ELMO1: variants seen among roughly 807,000 people sequenced by gnomAD.
ELMO1 encodes the protein engulfment and cell motility 1, also known as engulfment and cell motility protein 1.
ELMO1 carries 26 observed loss-of-function variants against 98.9 expected under a neutral mutation model. The observed-to-expected ratio is 0.26, with a 90% CI of 0.19 to 0.36. ELMO1 has a LOEUF of 0.36. ELMO1 is among the 10% of genes least tolerant of loss of function. The pLI is 1.00. For synonymous variants in ELMO1, 346 were observed against 346.0 expected (o/e 1.00, Z 0.00); for missense variants, 627 against 935.2 (o/e 0.67, Z 4.30).
At chr7:37,143,729 G>GAGAT (rs1787796401) in intron 13 of ELMO1, among the ~76,000 whole-genome samples, 1 of 30,372 alleles carries the variant, frequency 3.3e-5, no homozygotes, top group Non-Finnish European at 7.8e-5. Flanking sequence ...TTTTTTTTTT[G>GAGAT]AGATGGAGTC....
At position 37,097,645 on chromosome 7, in the gene ELMO1, TGAATGAAA is replaced by T. The variant is rs988894415; in HGVS notation, c.1192-926_1192-919del. On this transcript the variant is annotated intron_variant, in intron 14 of 21. Transcript: ENST00000310758. ...AAGAAAGAAAGAAAGAAAAAATGAA[TGAATGAAA>T]GAATGAATGAATACTGGCTCAACTA... Among the ~76,000 whole-genome samples, 231 of 151,560 alleles carry T rather than the reference TGAATGAAA, an allele frequency of 1.5e-3. 1 individual carries two copies. Among genetic ancestry groups the T allele is most frequent in the African/African-American group, 5.5e-3 (226 of 41,360 alleles).
At chr7:36,902,694 G>A (rs1474538640) in intron 16 of ELMO1, among the ~76,000 whole-genome samples, 2 of 152,144 alleles carry the variant, frequency 1.3e-5, no homozygotes, top group Non-Finnish European at 2.9e-5. Flanking sequence ...GTAACTCTGA[G>A]GGTGTCTTTG....
At chr7:36,932,956 C>T (rs191396112) in intron 16 of ELMO1, among the ~76,000 whole-genome samples, 1 of 152,340 alleles carries the variant, frequency 6.6e-6, no homozygotes, top group Admixed American at 6.5e-5. Context: ...CGGATGCCTT[C>T]CCAGGGCTGG....
rs528335065 is a variant in ELMO1 at position 36,899,621 on chromosome 7, G to C, written c.1438-4604C>G. Among the ~76,000 whole-genome samples the C allele has an allele frequency of 2.8e-5, 4 of 142,002 alleles. No individual in the cohort carries two copies. The East Asian group carries it at 8.4e-4, about 30-fold the overall frequency. The allele number at this position is 142,002 out of a possible 152,430, so 93.2% of individuals were successfully genotyped here. On this transcript the variant is annotated intron_variant, in intron 16 of 21. Coordinates refer to ENST00000310758, the MANE Select transcript of ELMO1 (RefSeq NM_014800.11). ...TTGAATCCAGCATGCATGTTTCCTGGGGCTTTGACCTTCCTTAAGATACTT... is the reference window on the plus strand; with the variant it reads ...TTGAATCCAGCATGCATGTTTCCTGCGGCTTTGACCTTCCTTAAGATACTT...
intron 13 of ELMO1, among the ~76,000 whole-genome samples, chr7:37,164,605 T>C (rs1459261158): frequency 2.0e-4 from 31 of 152,242 alleles, no homozygotes; most frequent in Admixed American, 5.2e-4. Context: ...ATCCTTTCCC[T>C]ATTTCTTGTT....
At chr7:37,135,677 GA>G (rs1326201143) in intron 13 of ELMO1, among the ~76,000 whole-genome samples, 1 of 152,178 alleles carries the variant, frequency 6.6e-6, no homozygotes, top group Non-Finnish European at 1.5e-5. Context: ...GGAGAAGGGG[GA>G]GAACACCACA....
Position 36,919,037 on chromosome 7 carries a change from T to A in ELMO1, c.1438-24020A>T, listed in dbSNP as rs189884237. 2.6e-5 allele frequency among the ~76,000 whole-genome samples: 4 copies of A among 152,310 alleles called. No individual in the cohort carries two copies. The East Asian group carries it at 7.7e-4, about 29-fold the overall frequency. On this transcript the variant is annotated intron_variant, in intron 16 of 21. Transcript: ENST00000310758. ...AGTTGGCACTTGGGCTAAAATAAAG[T>A]ACTTTATTCTAGGGATGGTTCAGCT...
Position 36,855,477 on chromosome 7 carries a change from G to T in ELMO1, c.*74C>A. The T allele has an allele frequency of 6.3e-7, 1 of 1,578,090 alleles. No individual in the cohort carries two copies. The highest frequency in any genetic ancestry group is 8.7e-7 in the Non-Finnish European group (1 of 1,150,302). On this transcript the variant is annotated 3_prime_UTR_variant, in exon 22 of 22. Transcript: ENST00000310758. The surrounding 1 kb of genome is among the most constrained non-coding windows in gnomAD (Gnocchi z 4.2). The stretch of plus-strand genomic sequence containing the variant: ...TACCAAAGGACGGTTCCAAGGCGTG[G>T]GTGTGTTTTCATTCCTCTCTCCTGT...
intron 16 of ELMO1, among the ~76,000 whole-genome samples, chr7:36,900,593 A>T (rs2129058625): frequency 6.6e-6 from 1 of 152,298 alleles, no homozygotes; most frequent in East Asian, 1.9e-4. Context: ...CTTCCAGGGC[A>T]GAGTTGGAAG....
chr7:37,231,353 G>A (rs79953263), intron 8 of ELMO1, among the ~76,000 whole-genome samples: 1,653 of 150,238 alleles, frequency 0.011, 31 homozygotes, highest in African/African-American at 0.035. Context: ...AAAGCAGCAC[G>A]TTTACAGTGG....
At chr7:37,156,364 A>T (rs1357341902) in intron 13 of ELMO1, among the ~76,000 whole-genome samples, 1 of 152,244 alleles carries the variant, frequency 6.6e-6, no homozygotes, top group Non-Finnish European at 1.5e-5. Flanking sequence ...ACCCTTCAAA[A>T]AAATCAATGA....
intron 14 of ELMO1, among the ~76,000 whole-genome samples, chr7:37,124,084 G>A (rs1310876434): frequency 3.3e-5 from 5 of 152,030 alleles, no homozygotes; most frequent in African/African-American, 1.2e-4. Context: ...AAATTCAATA[G>A]CCCTTCATGC....
Position 37,342,227 on chromosome 7 carries a change from A to G in ELMO1, c.78+386T>C, listed in dbSNP as rs1399076116. Among the ~76,000 whole-genome samples, 6 of 152,006 alleles carry G rather than the reference A, an allele frequency of 3.9e-5. No homozygotes were observed. The highest frequency in any genetic ancestry group is 2.9e-5 in the Non-Finnish European group (2 of 68,004). Reference sequence around the variant, plus strand: ...CATTTGGCTGCTTCTGCAAAAAATGAAAAAAAAGGGATTTTAAAAATTAAG... The same window carrying G: ...CATTTGGCTGCTTCTGCAAAAAATGGAAAAAAAGGGATTTTAAAAATTAAG... On this transcript the variant is annotated intron_variant, in intron 2 of 21. Transcript: ENST00000310758. This position sits in a 1 kb window ranked among gnomAD's most constrained non-coding sequence, Gnocchi z 4.3.
In ELMO1 at chr7:36,853,397, C is replaced by T. The variant is rs1454978832; in HGVS notation, c.*2154G>A. On this transcript the variant is annotated 3_prime_UTR_variant, in exon 22 of 22. Coordinates refer to ENST00000310758, the MANE Select transcript of ELMO1 (RefSeq NM_014800.11). ...TCAGAGATCCTGGTCCAGAAAGTTC[C>T]CTTTTTCATGGATTGGATCTTGTAA... Among the ~76,000 whole-genome samples, 1 of 152,148 alleles carries T rather than the reference C, an allele frequency of 6.6e-6. No individual in the cohort carries two copies. Among genetic ancestry groups the T allele is most frequent in the Non-Finnish European group, 1.5e-5 (1 of 68,022 alleles).
At chr7:37,312,890 T>C (rs1474059363) in intron 4 of ELMO1, among the ~76,000 whole-genome samples, 2 of 152,214 alleles carry the variant, frequency 1.3e-5, no homozygotes, top group African/African-American at 4.8e-5. Context: ...ACAGGAGATA[T>C]ACTCTGACCT....
rs995463291 is a variant in ELMO1 at position 36,865,475 on chromosome 7, C to T, written c.1906-3739G>A. 5.3e-5 allele frequency among the ~76,000 whole-genome samples: 8 copies of T among 152,216 alleles called. No homozygotes were observed. In the East Asian group the frequency reaches 1.3e-3, roughly 26 times the overall value. On this transcript the variant is annotated intron_variant, in intron 20 of 21. Transcript: ENST00000310758. The stretch of plus-strand genomic sequence containing the variant: ...CTCCAGCCCCAATCTATCTTAGCAG[C>T]GTAACCGGCCAATAGTTCTCCAATC...
intron 1 of ELMO1, among the ~76,000 whole-genome samples, chr7:37,380,191 A>G (rs1336833800): frequency 1.3e-5 from 2 of 151,972 alleles, no homozygotes; most frequent in Admixed American, 1.3e-4. Flanking sequence ...TGGCTTGCAA[A>G]CCCATATTAC....
intron 7 of ELMO1, among the ~76,000 whole-genome samples, chr7:37,243,854 C>T (rs565229078): frequency 1.3e-5 from 2 of 152,296 alleles, no homozygotes; most frequent in Non-Finnish European, 2.9e-5. Flanking sequence ...TATCTTCAGA[C>T]ACAATCATAC....
intron 21 of ELMO1, among the ~76,000 whole-genome samples, chr7:36,859,113 AAGAGAAACCTGTAGATTC>A (rs923621216): frequency 1.6e-4 from 24 of 152,286 alleles, no homozygotes; most frequent in African/African-American, 5.8e-4. Context: ...GAGAGAGAGA[AAGAGAAACCTGTAGATTC>A]AGAGAAACCT....
Sources: allele counts gnomAD v4.1 joint callset (sites outside exome capture counted in the v4.1 genomes callset), GRCh38; gene constraint gnomAD v4.1.1; non-coding constraint Gnocchi (gnomAD v3.1); transcripts MANE v1.5; gene names NCBI Gene and HGNC (gene_info 2026-07-23, HGNC 2026-07-21).